CENPP: variants seen among roughly 807,000 people sequenced by gnomAD.
The protein encoded by CENPP is centromere protein P.
A neutral mutation model predicts 35.6 loss-of-function variants in CENPP; 24 were observed. The observed-to-expected ratio is 0.67, with a 90% CI of 0.49 to 0.95. The LOEUF is 0.95. CENPP is among the 40% of genes least tolerant of loss of function. The probability of loss-of-function intolerance (pLI) is 0.00; values close to 1 mark genes in which losing one functional copy is unlikely to be tolerated. For synonymous variants in CENPP, 120 were observed against 125.5 expected (o/e 0.96, Z 0.29); for missense variants, 332 against 345.3 (o/e 0.96, Z 0.31).
Position 92,502,615 on chromosome 9 carries a change from G to A in CENPP, c.565-108699G>A, listed in dbSNP as rs1394575979. 3.7e-6 allele frequency: 6 copies of A among 1,601,670 alleles called. No individual in the cohort carries two copies. In the Admixed American group the frequency reaches 5.1e-5, roughly 14 times the overall value. On this transcript the variant is annotated intron_variant, in intron 5 of 7. Coordinates refer to ENST00000375587, the MANE Select transcript of CENPP (RefSeq NM_001012267.3). ...TCTGGTATGATTGAAACAAATTTCA[G>A]TTATTTCTTCAATTTGGTTATTTTC...
chr9:92,365,666 C>T (rs1841869933), intron 4 of CENPP, among the ~76,000 whole-genome samples: 1 of 151,788 alleles, frequency 6.6e-6, no homozygotes, highest in Admixed American at 6.6e-5. Context: ...CCGTCTGGGC[C>T]TCACAAAGTG....
chr9:92,369,872 T>C (rs1302833693), intron 4 of CENPP, among the ~76,000 whole-genome samples: 1 of 152,204 alleles, frequency 6.6e-6, no homozygotes, highest in Admixed American at 6.5e-5. Context: ...ATATGTTGAA[T>C]AGGAGTGATA....
chr9:92,604,219 TTA>T (rs1391203908), intron 5 of CENPP, among the ~76,000 whole-genome samples: 2 of 152,222 alleles, frequency 1.3e-5, no homozygotes, highest in African/African-American at 4.8e-5. Flanking sequence ...GTTCTCTTTT[TTA>T]TTTTAGCCAT....
At chr9:92,338,281 G>A (rs535099045) in intron 3 of CENPP, among the ~76,000 whole-genome samples, 6 of 152,002 alleles carry the variant, frequency 3.9e-5, no homozygotes, top group Non-Finnish European at 7.4e-5. Flanking sequence ...CACTGTACTC[G>A]AGCCTGGGTA....
At chr9:92,520,246 G>A (rs1449654824) in intron 5 of CENPP, among the ~76,000 whole-genome samples, 5 of 151,636 alleles carry the variant, frequency 3.3e-5, no homozygotes, top group Admixed American at 6.6e-5. Flanking sequence ...TTGTACCACC[G>A]TATTCCAGCC....
At chr9:92,604,951 G>A (rs763488901) in intron 5 of CENPP, among the ~76,000 whole-genome samples, 1 of 151,946 alleles carries the variant, frequency 6.6e-6, no homozygotes, top group Non-Finnish European at 1.5e-5. Context: ...TTACTCCTAT[G>A]TTTTCTCTCA....
intron 4 of CENPP, among the ~76,000 whole-genome samples, chr9:92,372,099 C>CTTTTTTTTTTTTTTTTTTTTTTTTT (rs71362382): frequency 1.3e-4 from 4 of 30,680 alleles, no homozygotes; most frequent in East Asian, 1.5e-3. Context: ...TGCCAGCCAT[C>CTTTTTTTTTTTTTTTTTTTTTTTTT]TTTTTTTTTT....
chr9:92,573,059 G>T (rs1325906707), intron 5 of CENPP, among the ~76,000 whole-genome samples: 3 of 152,132 alleles, frequency 2.0e-5, no homozygotes, highest in African/African-American at 7.2e-5. Flanking sequence ...GCTCAGCAAA[G>T]TTTGTTATTA....
At chr9:92,575,542 G>A (rs1382916941) in intron 5 of CENPP, among the ~76,000 whole-genome samples, 4 of 152,066 alleles carry the variant, frequency 2.6e-5, no homozygotes, top group East Asian at 1.9e-4. Flanking sequence ...GGCTGGGCGC[G>A]GTGGCTCACG....
At chr9:92,397,490 C>A (rs1842937517) in intron 5 of CENPP, among the ~76,000 whole-genome samples, 1 of 152,102 alleles carries the variant, frequency 6.6e-6, no homozygotes, top group African/African-American at 2.4e-5. Context: ...CCATGCCCAG[C>A]TAATTTTTTT....
At chr9:92,448,372 C>T (rs1844606324) in intron 5 of CENPP, among the ~76,000 whole-genome samples, 1 of 151,660 alleles carries the variant, frequency 6.6e-6, no homozygotes, top group Non-Finnish European at 1.5e-5. Context: ...CAGGTTCAAG[C>T]GATTATCCTG....
intron 5 of CENPP, among the ~76,000 whole-genome samples, chr9:92,464,445 G>A (rs1845228851): frequency 6.6e-6 from 1 of 152,234 alleles, no homozygotes; most frequent in South Asian, 2.1e-4. Context: ...CTGGGAAGAA[G>A]CTGGGTACAA....
chr9:92,611,195 C>A, intron 5 of CENPP, 119 bp from the exon 6 acceptor site: 1 of 777,644 alleles, frequency 1.3e-6, no homozygotes, highest in Non-Finnish European at 2.2e-6. Flanking sequence ...CCCATGGATG[C>A]TGCGCAAACA....
rs1205684543 is a variant in CENPP, at chr9:92,619,416, T to A, written c.*6267T>A. On this transcript the variant is annotated 3_prime_UTR_variant, in exon 8 of 8. Transcript: ENST00000375587. ...AAATATGGGGAAACCAACTATCCTA[T>A]TAACAATTCACCAACTGTCCATAAA... The A allele has an allele frequency of 8.0e-7, 1 of 1,248,780 alleles. No individual in the cohort carries two copies. Among genetic ancestry groups the A allele is most frequent in the African/African-American group, 1.5e-5 (1 of 67,272 alleles). 77.4% of individuals were successfully genotyped at this position (1,248,780 alleles called of 1,614,324 possible).
chr9:92,350,286 A>G (rs1841409961), intron 4 of CENPP, among the ~76,000 whole-genome samples: 1 of 152,212 alleles, frequency 6.6e-6, no homozygotes, highest in African/African-American at 2.4e-5. Flanking sequence ...ACGTTTAGTG[A>G]AGTTTGGACT....
At chr9:92,606,581 A>G (rs1851087617) in intron 5 of CENPP, among the ~76,000 whole-genome samples, 1 of 152,270 alleles carries the variant, frequency 6.6e-6, no homozygotes, top group Non-Finnish European at 1.5e-5. Context: ...CACAAATGTT[A>G]TAAACAGTAA....
At chr9:92,611,238 C>T (rs750111989) in intron 5 of CENPP, 76 bp from the exon 6 acceptor site, 152 of 1,198,742 alleles carry the variant, frequency 1.3e-4, no homozygotes, top group Non-Finnish European at 1.8e-4. Context: ...ACACCTGGAA[C>T]GGTGCCCCGT....
rs1588327985 is a variant in CENPP at position 92,617,528 on chromosome 9, G to C, written c.*4379G>C. The C allele has an allele frequency of 2.0e-5, 3 of 152,582 alleles. No individual in the cohort carries two copies. Among genetic ancestry groups the C allele is most frequent in the Admixed American group, 1.3e-4 (2 of 15,294 alleles). The allele number at this position is 152,582 out of a possible 1,614,324, so 9.5% of individuals were successfully genotyped here. ...CTCAGTACCCCGGAGGCCAAGACTG[G>C]GCAAGAGGCCCCAGGGACACACCTG... On this transcript the variant is annotated 3_prime_UTR_variant, in exon 8 of 8. Coordinates refer to ENST00000375587, the MANE Select transcript of CENPP (RefSeq NM_001012267.3).
At chr9:92,564,673 T>C (rs568049136) in intron 5 of CENPP, among the ~76,000 whole-genome samples, 14 of 152,292 alleles carry the variant, frequency 9.2e-5, no homozygotes, top group African/African-American at 3.4e-4. Context: ...GCTAGAGATA[T>C]AAGATCCCTC....
Sources: gnomAD v4.1 joint callset for allele counts (sites outside exome capture counted in the v4.1 genomes callset) on GRCh38, gnomAD v4.1.1 for gene constraint, MANE v1.5 for transcripts, NCBI Gene and HGNC (gene_info 2026-07-23, HGNC 2026-07-21) for gene names.